ADAMTS12: variants seen among roughly 807,000 people sequenced by gnomAD.
ADAMTS12 encodes A disintegrin and metalloproteinase with thrombospondin motifs 12.
ADAMTS12 carries 118 observed loss-of-function variants against 167.8 expected under a neutral mutation model. The observed-to-expected ratio is 0.70, with a 90% CI of 0.61 to 0.82. The LOEUF (loss-of-function observed/expected upper bound fraction) is 0.82. Among genes scored for constraint, ADAMTS12 ranks in the 40% least tolerant of loss-of-function variants. The pLI is 0.00. For synonymous variants in ADAMTS12, 704 were observed against 716.9 expected, an observed-to-expected ratio of 0.98 and a Z score of 0.29; for missense variants, 1,916 against 1,998.8, an observed-to-expected ratio of 0.96 and a Z score of 0.79.
Position 33,676,707 on chromosome 5 carries a change from C to CACACAGAGAGAG in ADAMTS12, c.915+6310_915+6311insCTCTCTCTGTGT, listed in dbSNP as rs879440613. On this transcript the variant is annotated intron_variant, in intron 5 of 23. Transcript: ENST00000504830. ...TTACACACACACACACACACACACA[C>CACACAGAGAGAG]AGAGAGAGAGAGAGAGAGAGAGAAT... Among the ~76,000 whole-genome samples, 170 of 149,112 alleles carry CACACAGAGAGAG rather than the reference C, an allele frequency of 1.1e-3. 1 individual carries two copies. Among genetic ancestry groups the CACACAGAGAGAG allele is most frequent in the African/African-American group, 4.2e-3 (166 of 39,958 alleles).
intron 6 of ADAMTS12, among the ~76,000 whole-genome samples, chr5:33,661,397 G>A (rs1225242474): frequency 6.6e-6 from 1 of 152,176 alleles, no homozygotes; most frequent in East Asian, 1.9e-4. Flanking sequence ...ATATTTTCAT[G>A]GGAGAAAGAT....
intron 19 of ADAMTS12, among the ~76,000 whole-genome samples, chr5:33,574,011 G>A (rs1746531331): frequency 6.6e-6 from 1 of 152,150 alleles, no homozygotes; most frequent in Non-Finnish European, 1.5e-5. Context: ...CATCATCACT[G>A]GCCATCAGAC....
chr5:33,697,229 T>C (rs953511212), intron 3 of ADAMTS12, among the ~76,000 whole-genome samples: 1 of 152,186 alleles, frequency 6.6e-6, no homozygotes. Context: ...GTACAAATAA[T>C]GCCTTTTAAT....
At position 33,614,210 on chromosome 5, in the gene ADAMTS12, C is replaced by T. The variant is rs6451001; in HGVS notation, c.2527+28G>A. On this transcript the variant is annotated intron_variant, in intron 16 of 23. Transcript: ENST00000504830. ...ACAAACTGCTCTGAGGCTGGCATGGCTTCATAGTGAGAGCAGCTGTTTCTC... is the reference window on the plus strand; with the variant it reads ...ACAAACTGCTCTGAGGCTGGCATGGTTTCATAGTGAGAGCAGCTGTTTCTC... 0.014 allele frequency: 22,259 copies of T among 1,609,716 alleles called. 2,643 individuals are homozygous for T. The African/African-American group carries it at 0.26, about 19-fold the overall frequency.
At chr5:33,536,658 A>G (rs1744427495) in intron 22 of ADAMTS12, among the ~76,000 whole-genome samples, 1 of 152,182 alleles carries the variant, frequency 6.6e-6, no homozygotes, top group Non-Finnish European at 1.5e-5. Context: ...CTCTCTCATT[A>G]TCCCTCCATT....
At chr5:33,593,684 T>C (rs145158028) in intron 17 of ADAMTS12, among the ~76,000 whole-genome samples, 1,794 of 150,912 alleles carry the variant, frequency 0.012, 15 homozygotes, top group Non-Finnish European at 0.016. Context: ...CTGTAGGGAG[T>C]TGGGGGGCTA....
intron 5 of ADAMTS12, among the ~76,000 whole-genome samples, chr5:33,675,997 C>A (rs1372800271): frequency 4.6e-5 from 7 of 152,170 alleles, no homozygotes; most frequent in African/African-American, 1.4e-4. Context: ...TCAAAACAAA[C>A]CCCCATTCAC....
chr5:33,571,071 T>C (rs1185484490), intron 19 of ADAMTS12, among the ~76,000 whole-genome samples: 3 of 152,110 alleles, frequency 2.0e-5, no homozygotes, highest in Non-Finnish European at 4.4e-5. Context: ...ATGCACCCAA[T>C]ACAGGAGCAC....
At chr5:33,689,285 A>G (rs987342427) in intron 3 of ADAMTS12, among the ~76,000 whole-genome samples, 9 of 152,246 alleles carry the variant, frequency 5.9e-5, no homozygotes, top group Non-Finnish European at 1.3e-4. Flanking sequence ...GCCAGTAAGC[A>G]GCAGGACCAG....
chr5:33,830,227 C>A (rs2112517551), intron 2 of ADAMTS12, among the ~76,000 whole-genome samples: 1 of 152,164 alleles, frequency 6.6e-6, no homozygotes, highest in Non-Finnish European at 1.5e-5. Context: ...CTCTGGAGAG[C>A]CATTGTACCA....
chr5:33,661,421 T>C (rs183707304), intron 6 of ADAMTS12, among the ~76,000 whole-genome samples: 3 of 152,286 alleles, frequency 2.0e-5, no homozygotes, highest in African/African-American at 4.8e-5. Flanking sequence ...ACCAAACCAG[T>C]CTGCCTACTC....
chr5:33,760,926 T>A (rs946596391), intron 2 of ADAMTS12, among the ~76,000 whole-genome samples: 2 of 147,864 alleles, frequency 1.4e-5, no homozygotes, highest in South Asian at 2.1e-4. Context: ...TGTGTGCGTA[T>A]GCGCTTCTAA....
At chr5:33,789,096 G>C (rs1561272652) in intron 2 of ADAMTS12, among the ~76,000 whole-genome samples, 1 of 152,206 alleles carries the variant, frequency 6.6e-6, no homozygotes, top group Non-Finnish European at 1.5e-5. Flanking sequence ...TTTCCTCTCT[G>C]AGTCATGATT....
chr5:33,554,558 C>T (rs927824732), intron 20 of ADAMTS12, among the ~76,000 whole-genome samples: 2 of 152,176 alleles, frequency 1.3e-5, no homozygotes, highest in Non-Finnish European at 2.9e-5. Context: ...TATGATTCAT[C>T]TTTCTGCTAC....
intron 20 of ADAMTS12, among the ~76,000 whole-genome samples, chr5:33,559,678 C>T (rs764532114): frequency 2.6e-5 from 4 of 152,128 alleles, no homozygotes; most frequent in Non-Finnish European, 4.4e-5. Context: ...GTCAGGAGTT[C>T]GAGACCAGCC....
intron 2 of ADAMTS12, among the ~76,000 whole-genome samples, chr5:33,782,487 A>G (rs1195647548): frequency 1.3e-5 from 2 of 152,242 alleles, no homozygotes; most frequent in African/African-American, 4.8e-5. Context: ...AATTCAAAAA[A>G]CAGAGATTGT....
At chr5:33,820,399 A>G (rs10941102) in intron 2 of ADAMTS12, among the ~76,000 whole-genome samples, 144,785 of 152,278 alleles carry the variant, frequency 0.95, 69,267 homozygotes, top group East Asian at 1. Context: ...ATGCTTTTGC[A>G]TTTCCTATCC....
intron 3 of ADAMTS12, among the ~76,000 whole-genome samples, chr5:33,720,305 C>CACACAG (rs1233771601): frequency 2.0e-5 from 3 of 151,758 alleles, no homozygotes; most frequent in African/African-American, 7.3e-5. Context: ...CACACACACA[C>CACACAG]ACACACACGA....
At chr5:33,861,005 C>G (rs1306976911) in intron 2 of ADAMTS12, among the ~76,000 whole-genome samples, 1 of 152,172 alleles carries the variant, frequency 6.6e-6, no homozygotes, top group Non-Finnish European at 1.5e-5. Context: ...CACCACCAGG[C>G]CTGGCTTACA....
Sources: allele counts gnomAD v4.1 joint callset (sites outside exome capture counted in the v4.1 genomes callset), GRCh38; gene constraint gnomAD v4.1.1; transcripts MANE v1.5; gene names NCBI Gene and HGNC (gene_info 2026-07-23, HGNC 2026-07-21).